RNF169: variants seen among roughly 807,000 people sequenced by gnomAD.
RNF169 encodes the protein E3 ubiquitin-protein ligase RNF169.
In RNF169, 24 loss-of-function variants were observed where a neutral mutation model predicts 53.9. The observed-to-expected ratio is 0.45, with a 90% CI of 0.32 to 0.63. The LOEUF (loss-of-function observed/expected upper bound fraction) is 0.63, where lower values mean the gene tolerates loss of function less well. Among genes scored for constraint, RNF169 ranks in the 20% least tolerant of loss-of-function variants. The pLI is 0.04. For synonymous variants in RNF169, 396 were observed against 363.5 expected, an observed-to-expected ratio of 1.09 and a Z score of -1.02; for missense variants, 883 against 906.2, an observed-to-expected ratio of 0.97 and a Z score of 0.33.
chr11:74,794,325 A>G (rs2035617963), intron 2 of RNF169, among the ~76,000 whole-genome samples: 2 of 152,234 alleles, frequency 1.3e-5, no homozygotes, highest in Admixed American at 6.5e-5. Context: ...GGAGGTGTAT[A>G]CAAGGAAGTT....
rs770085337 is a variant in RNF169 at position 74,836,064 on chromosome 11, G to A, written c.1461G>A (p.Gly487=). Residue 487 remains glycine, a synonymous_variant, in exon 6 of 6, where the codon GGG becomes GGA. Coordinates refer to ENST00000299563, the MANE Select transcript of RNF169 (RefSeq NM_001098638.2). The part of the protein sequence containing the change: ...LVAVNTRLSG[G]QVLSEYTGPT... ...CTGTAAATACAAGATTATCTGGTGG[G>A]CAGGTCCTCTCTGAGTATACTGGAC... is the stretch of plus-strand genomic sequence containing the variant. The A allele has an allele frequency of 6.2e-7, 1 of 1,614,158 alleles. No individual in the cohort carries two copies. The highest frequency in any genetic ancestry group is 8.5e-7 in the Non-Finnish European group (1 of 1,180,030).
intron 1 of RNF169, among the ~76,000 whole-genome samples, chr11:74,756,572 G>C (rs960265546): frequency 6.6e-6 from 1 of 152,180 alleles, no homozygotes; most frequent in Non-Finnish European, 1.5e-5. Flanking sequence ...GTTTGGATGG[G>C]TCAGGAATGG....
intron 2 of RNF169, among the ~76,000 whole-genome samples, chr11:74,790,574 G>T (rs1451443902): frequency 6.6e-6 from 1 of 152,204 alleles, no homozygotes; most frequent in Non-Finnish European, 1.5e-5. Flanking sequence ...GGCAGGCTGT[G>T]CTCAGCTCGC....
intron 1 of RNF169, among the ~76,000 whole-genome samples, chr11:74,769,562 TGTA>T (rs2035229349): frequency 6.6e-6 from 1 of 152,164 alleles, no homozygotes; most frequent in South Asian, 2.1e-4. Context: ...TACTAGAAAA[TGTA>T]GTAACAGTTG....
intron 1 of RNF169, among the ~76,000 whole-genome samples, chr11:74,777,429 G>A (rs191413069): frequency 4.1e-4 from 62 of 152,218 alleles, no homozygotes; most frequent in Non-Finnish European, 7.8e-4. Context: ...AGGCCATAAG[G>A]TCCAAAGCCT....
At chr11:74,797,836 C>T (rs1054766898) in intron 2 of RNF169, among the ~76,000 whole-genome samples, 2 of 152,160 alleles carry the variant, frequency 1.3e-5, no homozygotes, top group African/African-American at 4.8e-5. Context: ...AACGGAGGGA[C>T]CGGCTGAAGC....
At chr11:74,811,788 A>G (rs2035879749) in intron 3 of RNF169, among the ~76,000 whole-genome samples, 1 of 152,226 alleles carries the variant, frequency 6.6e-6, no homozygotes, top group Middle Eastern at 3.2e-3. Flanking sequence ...ACAGAGGGCA[A>G]AAAAGACTGC....
rs1043372084 is a variant in RNF169, at chr11:74,836,537, G to A, written c.1934G>A (p.Gly645Glu). The A allele has an allele frequency of 1.2e-5, 19 of 1,614,030 alleles. No homozygotes were observed. Among genetic ancestry groups the A allele is most frequent in the African/African-American group, 6.7e-5 (5 of 74,928 alleles). Reference sequence around the variant, plus strand: ...CTTAAAAAACTGCGACAAACCAGTGGGGAGGTGGGTCTGGCCCCAACAGAC... The same window carrying A: ...CTTAAAAAACTGCGACAAACCAGTGAGGAGGTGGGTCTGGCCCCAACAGAC... ...GSLKKLRQTS[G>E]EVGLAPTDPV... The change falls in exon 6 of 6, where the codon GGG (glycine) becomes GAG (glutamate). Residue 645 changes from glycine to glutamate, a missense_variant. By Grantham distance (98) the Gly-to-Glu change is moderately conservative. Transcript: ENST00000299563.
intron 1 of RNF169, among the ~76,000 whole-genome samples, chr11:74,768,238 G>T (rs1342638265): frequency 6.6e-6 from 1 of 152,150 alleles, no homozygotes; most frequent in Non-Finnish European, 1.5e-5. Context: ...CTAGGGTAAA[G>T]GTGTCATTTT....
intron 4 of RNF169, among the ~76,000 whole-genome samples, chr11:74,823,738 G>GAAA (rs35164191): frequency 1.0e-4 from 11 of 105,772 alleles, no homozygotes; most frequent in African/African-American, 2.4e-4. Flanking sequence ...CCCTGTCTCA[G>GAAA]AAAAAAAAAA....
chr11:74,762,421 C>T (rs915705254), intron 1 of RNF169, among the ~76,000 whole-genome samples: 4 of 152,226 alleles, frequency 2.6e-5, no homozygotes, highest in Non-Finnish European at 5.9e-5. Flanking sequence ...TGTTTTTTCC[C>T]CATCTTTGTG....
chr11:74,798,589 C>T (rs2035683821), intron 2 of RNF169, among the ~76,000 whole-genome samples: 1 of 152,178 alleles, frequency 6.6e-6, no homozygotes, highest in South Asian at 2.1e-4. Flanking sequence ...CACCCTGCCT[C>T]CACTTGCCTT....
chr11:74,802,165 C>G (rs146851950), intron 2 of RNF169, among the ~76,000 whole-genome samples: 1 of 152,126 alleles, frequency 6.6e-6, no homozygotes, highest in African/African-American at 2.4e-5. Flanking sequence ...TATATAAGCT[C>G]TAGTCTTTAA....
At chr11:74,804,394 A>G (rs570945890) in intron 2 of RNF169, among the ~76,000 whole-genome samples, 1 of 152,344 alleles carries the variant, frequency 6.6e-6, no homozygotes, top group African/African-American at 2.4e-5. Flanking sequence ...ATACAAATGG[A>G]GAACGATAAA....
intron 1 of RNF169, among the ~76,000 whole-genome samples, chr11:74,762,519 A>C (rs1425755747): frequency 6.6e-6 from 1 of 152,288 alleles, no homozygotes; most frequent in South Asian, 2.1e-4. Flanking sequence ...TTTTCCTTCT[A>C]ACAGACAGGA....
At chr11:74,799,510 A>G (rs578026210) in intron 2 of RNF169, among the ~76,000 whole-genome samples, 2 of 152,302 alleles carry the variant, frequency 1.3e-5, no homozygotes, top group South Asian at 2.1e-4. Flanking sequence ...TTATTTCTGC[A>G]GTGTGCTGTT....
At chr11:74,763,414 C>T (rs1403535874) in intron 1 of RNF169, among the ~76,000 whole-genome samples, 1 of 152,022 alleles carries the variant, frequency 6.6e-6, no homozygotes, top group Non-Finnish European at 1.5e-5. Flanking sequence ...AAGAGAGTGA[C>T]AATTTGAGAG....
At chr11:74,788,574 T>C (rs1313790251) in intron 1 of RNF169, among the ~76,000 whole-genome samples, 1 of 152,086 alleles carries the variant, frequency 6.6e-6, no homozygotes, top group Non-Finnish European at 1.5e-5. Context: ...TTTGTATTTT[T>C]AGTAGAGATG....
chr11:74,817,843 G>C, intron 4 of RNF169, 129 bp downstream of exon 4: 1 of 681,760 alleles, frequency 1.5e-6, no homozygotes. Context: ...AAAGAGGTGG[G>C]AATTGGTTTT....
Sources: gnomAD v4.1 joint callset for allele counts (sites outside exome capture counted in the v4.1 genomes callset) on GRCh38, gnomAD v4.1.1 for gene constraint, MANE v1.5 for transcripts, NCBI Gene and HGNC (gene_info 2026-07-23, HGNC 2026-07-21) for gene names.